The following HERC3 variants were observed in gnomAD, a reference collection of about 807,000 sequenced individuals.
HERC3 encodes HECT and RLD domain containing E3 ubiquitin protein ligase 3.
HERC3 carries 58 observed loss-of-function variants against 129.9 expected under a neutral mutation model. That is an observed-to-expected ratio of 0.45 (90% CI 0.36 to 0.56). HERC3 has a LOEUF of 0.56. Among genes scored for constraint, HERC3 ranks in the 20% least tolerant of loss-of-function variants. The probability of loss-of-function intolerance (pLI) is 0.00; values close to 1 mark genes in which losing one functional copy is unlikely to be tolerated. For missense variants in HERC3, 835 were observed against 1,244.2 expected (o/e 0.67, Z 4.95); for synonymous variants, 430 against 451.0 (o/e 0.95, Z 0.59).
chr4:88,556,875 C>T, the HERC3 span, among the ~76,000 whole-genome samples: 3 of 151,896 alleles, frequency 2.0e-5, no homozygotes, highest in Admixed American at 6.6e-5. Flanking sequence ...GAAATCCTGT[C>T]CTCAAACAGT....
Position 88,699,313 on chromosome 4 carries a change from T to G in HERC3, c.2658-4785T>G, listed in dbSNP as rs566785809. ...CCCACCCACCCACCCAGCCCCACCC[T>G]CTTCCTCCCCACCCACCCACGCAGC... On this transcript the variant is annotated intron_variant, in intron 23 of 25. Coordinates refer to ENST00000402738, the MANE Select transcript of HERC3 (RefSeq NM_014606.3). Among the ~76,000 whole-genome samples, 128 of 24,062 alleles carry G rather than the reference T, an allele frequency of 5.3e-3. 7 individuals carry two copies. Among genetic ancestry groups the G allele is most frequent in the Admixed American group, 0.045 (111 of 2,458 alleles). The allele number at this position is 24,062 out of a possible 152,430, so 15.8% of individuals were successfully genotyped here.
chr4:88,609,196 T>G (rs1482881128), intron 3 of HERC3, among the ~76,000 whole-genome samples: 2 of 150,610 alleles, frequency 1.3e-5, no homozygotes, highest in African/African-American at 4.9e-5. Flanking sequence ...GGTTGGAAGG[T>G]CACTTGAGCC....
chr4:88,662,743 T>G (rs970753403), intron 11 of HERC3, among the ~76,000 whole-genome samples, 188 bp downstream of exon 11: 3 of 152,180 alleles, frequency 2.0e-5, no homozygotes, highest in African/African-American at 7.2e-5. Context: ...GCATAATGGA[T>G]GGATCCCCAA....
the HERC3 span, among the ~76,000 whole-genome samples, chr4:88,560,795 C>T: frequency 6.6e-6 from 1 of 152,096 alleles, no homozygotes; most frequent in Admixed American, 6.6e-5. Context: ...ATCCATTCTT[C>T]TGCCTATAGA....
chr4:88,614,425 A>G (rs562836647), intron 3 of HERC3, among the ~76,000 whole-genome samples: 2 of 152,188 alleles, frequency 1.3e-5, no homozygotes, highest in Non-Finnish European at 2.9e-5. Flanking sequence ...ACTTGTTTAC[A>G]TTTAATTTCC....
the HERC3 span, among the ~76,000 whole-genome samples, chr4:88,586,983 C>T: frequency 6.6e-6 from 1 of 151,976 alleles, no homozygotes; most frequent in Non-Finnish European, 1.5e-5. Flanking sequence ...CTTTCGAGAG[C>T]CAACAGAAAG....
intron 7 of HERC3, 109 bp downstream of exon 7, chr4:88,654,242 A>G (rs1363580254): frequency 3.1e-6 from 2 of 649,410 alleles, no homozygotes; most frequent in Non-Finnish European, 5.2e-6. Context: ...TTGTGGCTTG[A>G]ACTTGAATGC....
chr4:88,529,668 C>T, the HERC3 span, among the ~76,000 whole-genome samples: 214 of 151,674 alleles, frequency 1.4e-3, 4 homozygotes, highest in East Asian at 0.038. Flanking sequence ...GCAGGAGAAT[C>T]GCTTGAAACC....
At chr4:88,661,055 T>C (rs1259985075) in intron 10 of HERC3, among the ~76,000 whole-genome samples, 1 of 152,230 alleles carries the variant, frequency 6.6e-6, no homozygotes, top group East Asian at 1.9e-4. Context: ...GCATCTCTGG[T>C]TTATTGGACA....
At chr4:88,654,349 C>CATATATATATATATAT (rs869126362) in intron 7 of HERC3, among the ~76,000 whole-genome samples, 6 of 70,954 alleles carry the variant, frequency 8.5e-5, no homozygotes, top group African/African-American at 2.9e-4. Context: ...GTAGATTTTT[C>CATATATATATATATAT]ATATATATAT....
chr4:88,692,833 G>A, intron 23 of HERC3: 4 of 927,982 alleles, frequency 4.3e-6, no homozygotes, highest in Non-Finnish European at 5.1e-6. Context: ...CGCTCCATGG[G>A]TACCAGCATA....
At chr4:88,597,078 G>GT (rs1177677963) in intron 2 of HERC3, among the ~76,000 whole-genome samples, 1 of 151,930 alleles carries the variant, frequency 6.6e-6, no homozygotes, top group Admixed American at 6.6e-5. Context: ...ATGGATATTT[G>GT]TTTTTTGTTT....
chr4:88,665,842 T>A (rs1730989998), intron 12 of HERC3, among the ~76,000 whole-genome samples: 1 of 152,190 alleles, frequency 6.6e-6, no homozygotes, highest in Non-Finnish European at 1.5e-5. Context: ...TAGTAATTAG[T>A]TTTTTCCTCT....
intron 8 of HERC3, among the ~76,000 whole-genome samples, chr4:88,655,512 G>T (rs1729789485): frequency 1.3e-5 from 2 of 152,188 alleles, no homozygotes; most frequent in African/African-American, 2.4e-5. Flanking sequence ...GAGACATTAG[G>T]CTTCTTTTGG....
At chr4:88,676,054 A>G (rs1172002061) in intron 16 of HERC3, among the ~76,000 whole-genome samples, 164 bp from the exon 17 acceptor site, 2 of 152,214 alleles carry the variant, frequency 1.3e-5, no homozygotes, top group African/African-American at 4.8e-5. Flanking sequence ...GTGGCCATCA[A>G]AACATCTTTT....
At chr4:88,686,666 A>G in intron 21 of HERC3, 70 bp from the exon 22 acceptor site, 1 of 966,366 alleles carries the variant, frequency 1.0e-6, no homozygotes, top group Non-Finnish European at 1.7e-6. Context: ...TGGACATGTA[A>G]CTGAAGTAGA....
At chr4:88,558,796 T>C in the HERC3 span, among the ~76,000 whole-genome samples, 1 of 147,316 alleles carries the variant, frequency 6.8e-6, no homozygotes, top group Non-Finnish European at 1.5e-5. Context: ...ACCCCGTCTC[T>C]ACTAGAAAAA....
intron 4 of HERC3, 111 bp downstream of exon 4, chr4:88,650,110 C>T: frequency 2.8e-6 from 3 of 1,063,518 alleles, no homozygotes; most frequent in East Asian, 4.8e-5. Context: ...TTCCTTTGCA[C>T]CACTCCTGTG....
At chr4:88,660,499 C>T (rs772930807) in intron 10 of HERC3, among the ~76,000 whole-genome samples, 6 of 152,124 alleles carry the variant, frequency 3.9e-5, no homozygotes, top group Non-Finnish European at 7.4e-5. Flanking sequence ...CCACCACGCC[C>T]GGCCATAGCC....
Sources: allele counts gnomAD v4.1 joint callset (sites outside exome capture counted in the v4.1 genomes callset), GRCh38; gene constraint gnomAD v4.1.1; transcripts MANE v1.5; gene names NCBI Gene and HGNC (gene_info 2026-07-23, HGNC 2026-07-21).